PTPRO: variants seen among roughly 807,000 people sequenced by gnomAD.
The protein encoded by PTPRO is protein tyrosine phosphatase receptor type O, also known as receptor-type tyrosine-protein phosphatase O.
In PTPRO, 62 loss-of-function variants were observed where a neutral mutation model predicts 145.2. The ratio of observed to expected loss-of-function variants is 0.43; its 90% CI spans 0.35 to 0.53. PTPRO has a LOEUF of 0.53. Ranked by LOEUF, PTPRO falls within the 20% of genes least tolerant of loss-of-function variation. PTPRO has a pLI of 0.01. For missense variants in PTPRO, 1,345 were observed against 1,482.7 expected, an observed-to-expected ratio of 0.91 and a Z score of 1.53; for synonymous variants, 565 against 514.7, an observed-to-expected ratio of 1.10 and a Z score of -1.32.
Position 15,546,646 on chromosome 12 carries a change from G to A in PTPRO, c.2242G>A (p.Val748Ile), listed in dbSNP as rs776100056. ...SVTLLWVEEG[V>I]ADFFEVFCQQ... ...GACTTTGCTGTGGGTGGAAGAGGGA[G>A]TAGCTGATTTCTTTGAAGTTTTCTG... The change falls in exon 13 of 27, where the codon GTA becomes ATA. Residue 748 changes from valine to isoleucine, a missense_variant. Physicochemically the swap from Val to Ile is conservative, Grantham distance 29 (BLOSUM62 3). Coordinates refer to ENST00000281171, the MANE Select transcript of PTPRO (RefSeq NM_030667.3). 3.7e-6 allele frequency: 6 copies of A among 1,613,810 alleles called. No homozygotes were observed. In the East Asian group the frequency reaches 6.7e-5, roughly 18 times the overall value.
chr12:15,404,533 C>A (rs971784982), intron 1 of PTPRO, among the ~76,000 whole-genome samples: 3 of 152,090 alleles, frequency 2.0e-5, no homozygotes, highest in Admixed American at 2.0e-4. Flanking sequence ...TTAAAAATGT[C>A]TCCACTTTGC....
intron 14 of PTPRO, among the ~76,000 whole-genome samples, chr12:15,550,347 T>C (rs764155781): frequency 6.6e-6 from 1 of 152,154 alleles, no homozygotes; most frequent in South Asian, 2.1e-4. Context: ...GGTCTTCACA[T>C]TGAGTAGGCT....
chr12:15,448,083 A>G (rs1010422508), intron 1 of PTPRO, among the ~76,000 whole-genome samples: 1 of 152,072 alleles, frequency 6.6e-6, no homozygotes, highest in African/African-American at 2.4e-5. Flanking sequence ...ATTTACAGCA[A>G]TGTGATAGCA....
At chr12:15,394,414 A>T (rs1255735291) in intron 1 of PTPRO, among the ~76,000 whole-genome samples, 1 of 152,100 alleles carries the variant, frequency 6.6e-6, no homozygotes, top group African/African-American at 2.4e-5. Flanking sequence ...AAGCAGCGGC[A>T]TACCAAGTGC....
chr12:15,501,594 G>T, intron 4 of PTPRO, 26 bp from the exon 5 acceptor site: 1 of 1,585,158 alleles, frequency 6.3e-7, no homozygotes, highest in South Asian at 1.1e-5. Context: ...AAAAATACTT[G>T]AAAATGAAAA....
chr12:15,531,926 A>G (rs1409951684), intron 12 of PTPRO, among the ~76,000 whole-genome samples: 1 of 152,188 alleles, frequency 6.6e-6, no homozygotes, highest in Non-Finnish European at 1.5e-5. Context: ...ATGTGTTCAT[A>G]TTAGCAGCTG....
At chr12:15,557,586 G>C in intron 16 of PTPRO, 63 bp downstream of exon 16, 3 of 1,447,498 alleles carry the variant, frequency 2.1e-6, no homozygotes, top group Non-Finnish European at 1.9e-6. Flanking sequence ...CTCCAAAGTC[G>C]ATTTTACTAT....
chr12:15,441,601 T>C (rs1459227104), intron 1 of PTPRO, among the ~76,000 whole-genome samples: 1 of 151,932 alleles, frequency 6.6e-6, no homozygotes, highest in Non-Finnish European at 1.5e-5. Flanking sequence ...ACAAGATCAA[T>C]ACACTAGATT....
At chr12:15,326,395 A>T (rs931311324) in intron 1 of PTPRO, among the ~76,000 whole-genome samples, 5 of 152,220 alleles carry the variant, frequency 3.3e-5, no homozygotes, top group African/African-American at 1.2e-4. Flanking sequence ...CAGATGATCG[A>T]GTAATAATCC....
chr12:15,367,048 G>A (rs2136251439), intron 1 of PTPRO, among the ~76,000 whole-genome samples: 1 of 152,234 alleles, frequency 6.6e-6, no homozygotes, highest in African/African-American at 2.4e-5. Flanking sequence ...TAAACAGAAG[G>A]AAGTTATGAT....
At chr12:15,469,768 C>CAAAAAAAAAAAAAAAAAAAAAA (rs3085503) in intron 1 of PTPRO, among the ~76,000 whole-genome samples, 1 of 110,406 alleles carries the variant, frequency 9.1e-6, no homozygotes, top group Non-Finnish European at 1.9e-5. Context: ...AGTGTCCTGA[C>CAAAAAAAAAAAAAAAAAAAAAA]AAAAAAAAAA....
intron 1 of PTPRO, among the ~76,000 whole-genome samples, chr12:15,444,869 A>G (rs1940862366): frequency 6.6e-6 from 1 of 152,164 alleles, no homozygotes; most frequent in Non-Finnish European, 1.5e-5. Context: ...TGAACAAACT[A>G]TAATAGATGA....
intron 1 of PTPRO, among the ~76,000 whole-genome samples, chr12:15,357,189 G>T (rs910271266): frequency 6.6e-6 from 1 of 152,358 alleles, no homozygotes; most frequent in East Asian, 1.9e-4. Flanking sequence ...CATGTTAGTT[G>T]AAATTATGCC....
chr12:15,541,539 G>A (rs1434967454), intron 12 of PTPRO, among the ~76,000 whole-genome samples: 1 of 152,202 alleles, frequency 6.6e-6, no homozygotes, highest in Non-Finnish European at 1.5e-5. Flanking sequence ...CCAAGTGTGA[G>A]CAGAGTAGGC....
intron 1 of PTPRO, among the ~76,000 whole-genome samples, chr12:15,429,195 G>A (rs995466051): frequency 4.6e-5 from 7 of 152,280 alleles, no homozygotes; most frequent in Non-Finnish European, 1.0e-4. Flanking sequence ...CATGCACGAA[G>A]CACTGTGCTG....
intron 16 of PTPRO, among the ~76,000 whole-genome samples, chr12:15,558,153 C>T (rs1943685788): frequency 1.3e-5 from 2 of 151,986 alleles, no homozygotes; most frequent in South Asian, 2.1e-4. Context: ...AGGCTGGTCT[C>T]GAACTCCTGG....
intron 1 of PTPRO, among the ~76,000 whole-genome samples, chr12:15,340,149 T>C (rs910883552): frequency 6.6e-6 from 1 of 152,134 alleles, no homozygotes; most frequent in African/African-American, 2.4e-5. Flanking sequence ...CCTTATACAC[T>C]CCTATATATT....
chr12:15,593,205 C>T (rs1321410191), intron 25 of PTPRO, among the ~76,000 whole-genome samples: 2 of 152,126 alleles, frequency 1.3e-5, no homozygotes, highest in African/African-American at 2.4e-5. Flanking sequence ...TTCTCCAAAC[C>T]GTGTTGAAAA....
chr12:15,484,245 C>G lies in PTPRO; in HGVS notation c.347C>G (p.Thr116Arg). The part of the protein sequence containing the change: ...TKPSRSITVL[T>R]KPLPVTSVSI... ...CCATCCAGATCAATCACTGTGTTAACAAGTAAGCATCATGTGTAATATTGT... is the reference window on the plus strand; with the variant it reads ...CCATCCAGATCAATCACTGTGTTAAGAAGTAAGCATCATGTGTAATATTGT... Residue 116 changes from threonine to arginine, a missense_variant and splice_region_variant, in exon 2 of 27, where the codon ACA becomes AGA. Transcript: ENST00000281171. 1 of 1,613,180 alleles carries G rather than the reference C, an allele frequency of 6.2e-7. No individual in the cohort carries two copies. Among genetic ancestry groups the G allele is most frequent in the Non-Finnish European group, 8.5e-7 (1 of 1,179,476 alleles).
Sources: allele counts gnomAD v4.1 joint callset (sites outside exome capture counted in the v4.1 genomes callset), GRCh38; gene constraint gnomAD v4.1.1; transcripts MANE v1.5; gene names NCBI Gene and HGNC (gene_info 2026-07-23, HGNC 2026-07-21).